The following CLEC2D variants were observed in gnomAD, a reference collection of about 807,000 sequenced individuals.
The protein encoded by CLEC2D is C-type lectin domain family 2 member D, also known as C-type lectin related f.
Under a neutral mutation model 20.0 loss-of-function variants are expected in CLEC2D, and 16 were observed. The ratio of observed to expected loss-of-function variants is 0.80; its 90% CI spans 0.54 to 1.22. The LOEUF is 1.22. CLEC2D is among the 50% of genes most tolerant of loss of function. CLEC2D has a pLI of 0.00. For missense variants in CLEC2D, 207 were observed against 221.5 expected (o/e 0.93, Z 0.42); for synonymous variants, 77 against 71.1 (o/e 1.08, Z -0.42).
chr12:9,677,679 C>A (rs1012525365), intron 1 of CLEC2D, among the ~76,000 whole-genome samples: 1 of 147,220 alleles, frequency 6.8e-6, no homozygotes, highest in African/African-American at 2.5e-5. Flanking sequence ...TGATTTTCTG[C>A]CTGCTGGATC....
rs114342127 is a variant in CLEC2D, at chr12:9,691,290, G to T, written c.358-1538G>T. Among the ~76,000 whole-genome samples, 683 of 152,158 alleles carry T rather than the reference G, an allele frequency of 4.5e-3. 4 individuals are homozygous for T. Among genetic ancestry groups the T allele is most frequent in the African/African-American group, 0.016 (655 of 41,562 alleles). ...AAGCAATAATTGCTATAATTTAAGG[G>T]AGAAAAGAACAGTTCTATGAAAAGT... is the stretch of plus-strand genomic sequence containing the variant. On this transcript the variant is annotated intron_variant, in intron 3 of 4. Coordinates refer to ENST00000290855, the MANE Select transcript of CLEC2D (RefSeq NM_013269.6).
chr12:9,678,862 C>A (rs751849903), intron 1 of CLEC2D, among the ~76,000 whole-genome samples: 1 of 152,154 alleles, frequency 6.6e-6, no homozygotes, highest in African/African-American at 2.4e-5. Context: ...TTTTTTCCTG[C>A]ATTTTTAGTT....
intron 1 of CLEC2D, 79 bp from the exon 2 acceptor site, chr12:9,680,844 A>G (rs1372637614): frequency 9.8e-6 from 7 of 711,014 alleles, no homozygotes; most frequent in Non-Finnish European, 1.7e-5. Context: ...AAATAAAAAT[A>G]ACATTTTGAT....
intron 3 of CLEC2D, among the ~76,000 whole-genome samples, chr12:9,691,780 G>C (rs1031313433): frequency 6.6e-6 from 1 of 152,110 alleles, no homozygotes; most frequent in Non-Finnish European, 1.5e-5. Flanking sequence ...TTATAGCTGT[G>C]AGCAGTTAAC....
intron 1 of CLEC2D, chr12:9,680,137 T>C: frequency 5.2e-6 from 1 of 193,638 alleles, no homozygotes; most frequent in Non-Finnish European, 1.1e-5. Context: ...TGATAGCGAG[T>C]GAGTTTTCAT....
intron 1 of CLEC2D, among the ~76,000 whole-genome samples, chr12:9,672,855 G>A (rs1438238767): frequency 6.6e-6 from 1 of 151,836 alleles, no homozygotes; most frequent in East Asian, 1.9e-4. Flanking sequence ...GGTCAATTCA[G>A]CTATTGATAC....
At chr12:9,670,819 A>C (rs979338458) in intron 1 of CLEC2D, among the ~76,000 whole-genome samples, 4 of 152,340 alleles carry the variant, frequency 2.6e-5, no homozygotes. Context: ...CTATTCAGAC[A>C]TGTGCATCAA....
chr12:9,687,049 C>T (rs900743215), intron 2 of CLEC2D, among the ~76,000 whole-genome samples: 7 of 152,222 alleles, frequency 4.6e-5, no homozygotes, highest in South Asian at 2.1e-4. Context: ...TGAAAGACAA[C>T]GTTTTCATGG....
intron 2 of CLEC2D, among the ~76,000 whole-genome samples, chr12:9,684,091 A>G (rs753565934): frequency 6.6e-6 from 1 of 152,192 alleles, no homozygotes; most frequent in Admixed American, 6.5e-5. Flanking sequence ...GGTCCTTCAC[A>G]TCTCTTGTAA....
At chr12:9,681,233 T>C (rs1443107245) in intron 2 of CLEC2D, among the ~76,000 whole-genome samples, 200 bp downstream of exon 2, 1 of 152,180 alleles carries the variant, frequency 6.6e-6, no homozygotes. Flanking sequence ...TTTAGTGAGA[T>C]GATCAGAGTC....
chr12:9,694,995 C>A lies in CLEC2D; in HGVS notation c.*121C>A. ...GTATATGAAAATATGCTCAATATCA[C>A]TAATAACTGGGAAAATACAAATCAA... is the stretch of plus-strand genomic sequence containing the variant. On this transcript the variant is annotated 3_prime_UTR_variant, in exon 5 of 5. Transcript: ENST00000290855. The A allele has an allele frequency of 1.6e-6, 1 of 622,374 alleles. No homozygotes were observed. The highest frequency in any genetic ancestry group is 2.9e-6 in the Non-Finnish European group (1 of 347,418). 38.6% of individuals were successfully genotyped at this position (622,374 alleles called of 1,614,324 possible).
In CLEC2D at chr12:9,695,859, T is replaced by A; in HGVS notation, c.*985T>A. ...AAGTAAAACTTGCTGCTGCTGCTGA[T>A]GATGATGATGATGAAGATGATGATG... On this transcript the variant is annotated 3_prime_UTR_variant, in exon 5 of 5. Coordinates refer to ENST00000290855, the MANE Select transcript of CLEC2D (RefSeq NM_013269.6). 9.7e-7 allele frequency: 1 copy of A among 1,027,732 alleles called. No homozygotes were observed. Among genetic ancestry groups the A allele is most frequent in the Non-Finnish European group, 1.5e-6 (1 of 664,006 alleles). The allele number at this position is 1,027,732 out of a possible 1,614,324, so 63.7% of individuals were successfully genotyped here.
intron 2 of CLEC2D, among the ~76,000 whole-genome samples, chr12:9,682,211 T>C (rs1865650043): frequency 6.6e-6 from 1 of 152,218 alleles, no homozygotes; most frequent in Admixed American, 6.5e-5. Context: ...AAATGTGTTA[T>C]TATGTATTAC....
At chr12:9,675,174 A>C (rs368955154) in intron 1 of CLEC2D, among the ~76,000 whole-genome samples, 24 of 144,110 alleles carry the variant, frequency 1.7e-4, no homozygotes, top group African/African-American at 6.0e-4. Context: ...CTTTTTCATT[A>C]ATTTATTTGT....
At chr12:9,680,875 T>C (rs376493550) in intron 1 of CLEC2D, 48 bp from the exon 2 acceptor site, 32 of 924,376 alleles carry the variant, frequency 3.5e-5, no homozygotes, top group Non-Finnish European at 5.5e-5. Context: ...TCTGGCAGTA[T>C]TATGTCTGTA....
At chr12:9,676,417 T>C (rs1387734050) in intron 1 of CLEC2D, among the ~76,000 whole-genome samples, 3 of 152,214 alleles carry the variant, frequency 2.0e-5, no homozygotes, top group Non-Finnish European at 2.9e-5. Flanking sequence ...TTAATTTTTT[T>C]GTATATATTG....
In CLEC2D at chr12:9,698,623, A is replaced by G. The variant is rs2121007687; in HGVS notation, c.*3749A>G. The G allele has an allele frequency of 6.6e-6, 1 of 152,358 alleles. No individual in the cohort carries two copies. Among genetic ancestry groups the G allele is most frequent in the East Asian group, 1.9e-4 (1 of 5,190 alleles). 9.4% of individuals were successfully genotyped at this position (152,358 alleles called of 1,614,324 possible). ...AATAATTTTTGGATTTGACCTCAAA[A>G]GTAGATGCAACCACAGTGAAAATAA... On this transcript the variant is annotated 3_prime_UTR_variant, in exon 5 of 5. Coordinates refer to ENST00000290855, the MANE Select transcript of CLEC2D (RefSeq NM_013269.6).
intron 3 of CLEC2D, among the ~76,000 whole-genome samples, chr12:9,689,775 G>A (rs1865825067): frequency 6.6e-6 from 1 of 152,072 alleles, no homozygotes; most frequent in East Asian, 1.9e-4. Flanking sequence ...AGAAGTAAGA[G>A]ATCAGAAAAC....
chr12:9,694,780 G>A lies in CLEC2D; in HGVS notation c.482G>A (p.Gly161Glu), dbSNP rs1340592254. 2 of 1,610,478 alleles carry A rather than the reference G, an allele frequency of 1.2e-6. No homozygotes were observed. The highest frequency in any genetic ancestry group is 2.2e-5 in the South Asian group (2 of 90,972). ...WTRQFPILGAGECAYLNDKGA... is the reference protein window; with the variant it reads ...WTRQFPILGAEECAYLNDKGA... ...TGCAGGTTTCCTATCCTGGGAGCAG[G>A]AGAGTGTGCCTATTTGAATGACAAA... Residue 161 changes from glycine to glutamate, a missense_variant, in exon 5 of 5, where the codon GGA becomes GAA. Transcript: ENST00000290855.
Sources: allele counts gnomAD v4.1 joint callset (sites outside exome capture counted in the v4.1 genomes callset), GRCh38; gene constraint gnomAD v4.1.1; transcripts MANE v1.5; gene names NCBI Gene and HGNC (gene_info 2026-07-23, HGNC 2026-07-21).